Variants in ARHGEF37 observed in about 807,000 individuals in gnomAD.
The protein encoded by ARHGEF37 is Rho guanine nucleotide exchange factor (GEF) 37.
In ARHGEF37, 55 loss-of-function variants were observed where a neutral mutation model predicts 71.1. The observed-to-expected ratio is 0.77, with a 90% confidence interval of 0.62 to 0.97. The LOEUF (loss-of-function observed/expected upper bound fraction) is 0.97. Among genes scored for constraint, ARHGEF37 ranks in the 50% least tolerant of loss-of-function variants. ARHGEF37 has a pLI of 0.00. For synonymous variants in ARHGEF37, 327 were observed against 350.6 expected, an observed-to-expected ratio of 0.93 and a Z score of 0.75; for missense variants, 765 against 836.8, an observed-to-expected ratio of 0.91 and a Z score of 1.06.
chr5:149,560,242 A>C (rs985927034), intron 1 of ARHGEF37, among the ~76,000 whole-genome samples: 4 of 151,968 alleles, frequency 2.6e-5, no homozygotes, highest in African/African-American at 9.7e-5. Context: ...CAGCCTCCCA[A>C]GTAGTTGGGA....
At chr5:149,612,433 C>T (rs958942446) in intron 4 of ARHGEF37, among the ~76,000 whole-genome samples, 1 of 152,204 alleles carries the variant, frequency 6.6e-6, no homozygotes, top group Non-Finnish European at 1.5e-5. Flanking sequence ...TCCCAGAGTG[C>T]TGGGATTACA....
chr5:149,570,736 C>T (rs1365582513), intron 1 of ARHGEF37, among the ~76,000 whole-genome samples: 8 of 150,942 alleles, frequency 5.3e-5, no homozygotes, highest in Non-Finnish European at 3.0e-5. Flanking sequence ...ATTAGCTGGG[C>T]GTGGTGGTGT....
intron 7 of ARHGEF37, among the ~76,000 whole-genome samples, chr5:149,620,090 AAAAG>A (rs1752492672): frequency 6.6e-6 from 1 of 152,022 alleles, no homozygotes; most frequent in Non-Finnish European, 1.5e-5. Context: ...AAAAAAAAGA[AAAAG>A]AAAAAAACCC....
intron 1 of ARHGEF37, among the ~76,000 whole-genome samples, chr5:149,565,428 C>T (rs1417545635): frequency 1.3e-5 from 2 of 152,138 alleles, no homozygotes; most frequent in African/African-American, 2.4e-5. Flanking sequence ...CAGCAGGGGA[C>T]AAAGTCAAAA....
At chr5:149,628,667 G>T (rs1443856310) in intron 11 of ARHGEF37, 142 bp from the exon 12 acceptor site, 2 of 1,124,298 alleles carry the variant, frequency 1.8e-6, no homozygotes, top group East Asian at 2.6e-5. Flanking sequence ...GGGCAGGGGG[G>T]TTCAGGGTTC....
chr5:149,598,264 T>TC (rs71932310), intron 2 of ARHGEF37, among the ~76,000 whole-genome samples: 396 of 14,850 alleles, frequency 0.027, 3 homozygotes, highest in Admixed American at 0.063. Context: ...TTAAACTGAC[T>TC]CTTCTTCTTC....
intron 1 of ARHGEF37, among the ~76,000 whole-genome samples, chr5:149,558,065 G>A (rs980704795): frequency 6.6e-6 from 1 of 151,976 alleles, no homozygotes; most frequent in African/African-American, 2.4e-5. Context: ...GGGCAGAGAC[G>A]GGGTTTTGCC....
chr5:149,606,064 T>C (rs1763904889), intron 3 of ARHGEF37, among the ~76,000 whole-genome samples: 1 of 152,202 alleles, frequency 6.6e-6, no homozygotes, highest in South Asian at 2.1e-4. Flanking sequence ...GAGTTCACTT[T>C]CCTCCATCCT....
At chr5:149,551,993 T>C (rs1197388649) in exon 1 of ARHGEF37, 1 of 152,070 alleles carries the variant, frequency 6.6e-6, no homozygotes, top group African/African-American at 2.4e-5. Context: ...AGAATTGTCC[T>C]ATCTACTACG....
chr5:149,614,068 G>A (rs1752301729), intron 4 of ARHGEF37, among the ~76,000 whole-genome samples: 1 of 151,620 alleles, frequency 6.6e-6, no homozygotes, highest in Non-Finnish European at 1.5e-5. Context: ...CCAGCACAGT[G>A]TTTTTTTTAA....
upstream of ARHGEF37, among the ~76,000 whole-genome samples, chr5:149,580,080 G>A (rs988127153): frequency 4.6e-5 from 7 of 151,072 alleles, no homozygotes; most frequent in Admixed American, 1.3e-4. Flanking sequence ...TTTCTTTTTC[G>A]AGACGGAGTC....
intron 1 of ARHGEF37, among the ~76,000 whole-genome samples, chr5:149,592,683 T>C (rs550756965): frequency 3.9e-5 from 6 of 152,222 alleles, no homozygotes; most frequent in Non-Finnish European, 7.3e-5. Flanking sequence ...AGAAAGTGTA[T>C]GTTTTATTTT....
At chr5:149,615,601 AT>A (rs565748965) in intron 4 of ARHGEF37, among the ~76,000 whole-genome samples, 4 of 151,846 alleles carry the variant, frequency 2.6e-5, no homozygotes, top group African/African-American at 9.7e-5. Context: ...TTTTAAGAAC[AT>A]TTTTTTTGGT....
rs776522884 is a variant in ARHGEF37 at position 149,618,918 on chromosome 5, C to G, written c.790-20C>G. 2 of 1,594,718 alleles carry G rather than the reference C, an allele frequency of 1.3e-6. No individual in the cohort carries two copies. The highest frequency in any genetic ancestry group is 1.7e-6 in the Non-Finnish European group (2 of 1,162,390). On this transcript the variant is annotated intron_variant, in intron 6 of 12. Transcript: ENST00000333677. ...TGCCCCCATGTGGATATTCTCAACC[C>G]TCACACACATTACTTTCAGACAGAA...
chr5:149,564,323 T>C (rs921040600), intron 1 of ARHGEF37, among the ~76,000 whole-genome samples: 18 of 152,116 alleles, frequency 1.2e-4, no homozygotes, highest in Admixed American at 3.9e-4. Context: ...TGTTTTAAAT[T>C]TTAGATAGGG....
upstream of ARHGEF37, among the ~76,000 whole-genome samples, chr5:149,576,953 G>C (rs1418545693): frequency 1.1e-5 from 1 of 91,466 alleles, no homozygotes; most frequent in Non-Finnish European, 2.6e-5. Context: ...GAGAGACTCT[G>C]TCTGAAAAAA....
At chr5:149,598,808 A>ATG (rs71274355) in intron 2 of ARHGEF37, among the ~76,000 whole-genome samples, 13 of 147,756 alleles carry the variant, frequency 8.8e-5, no homozygotes, top group Admixed American at 3.4e-4. Flanking sequence ...AGATATATAT[A>ATG]TGTGTGTGTG....
At chr5:149,629,866 C>T (rs897451557) in intron 12 of ARHGEF37, among the ~76,000 whole-genome samples, 23 of 152,288 alleles carry the variant, frequency 1.5e-4, no homozygotes, top group African/African-American at 4.8e-4. Context: ...GCCATAGAGA[C>T]GAATGAAACA....
rs2113309090 is a variant in ARHGEF37 at position 149,598,636 on chromosome 5, G to T, written c.186+681G>T. On this transcript the variant is annotated intron_variant, in intron 2 of 12. Coordinates refer to ENST00000333677, the MANE Select transcript of ARHGEF37 (RefSeq NM_001001669.3). ...GGAAATGCATTTGCTGCCTTTCCTA[G>T]TACCAAAAATTGACTACAACCTCTT... 1.3e-5 allele frequency among the ~76,000 whole-genome samples: 2 copies of T among 151,180 alleles called. 1 individual carries two copies. The highest frequency in any genetic ancestry group is 4.2e-4 in the South Asian group (2 of 4,800).
Sources: allele counts gnomAD v4.1 joint callset (sites outside exome capture counted in the v4.1 genomes callset), GRCh38; gene constraint gnomAD v4.1.1; transcripts MANE v1.5; gene names NCBI Gene and HGNC (gene_info 2026-07-23, HGNC 2026-07-21).